Variants in ADAMTS2 observed in about 807,000 individuals in gnomAD.
ADAMTS2 encodes the protein ADAM metallopeptidase with thrombospondin type 1 motif 2.
ADAMTS2 carries 50 observed loss-of-function variants against 123.0 expected under a neutral mutation model. That is an observed-to-expected ratio of 0.41 (90% CI 0.32 to 0.51). The LOEUF is 0.51. Among genes scored for constraint, ADAMTS2 ranks in the 20% least tolerant of loss-of-function variants. ADAMTS2 has a pLI of 0.35. For synonymous variants in ADAMTS2, 678 were observed against 695.4 expected (o/e 0.98, Z 0.39); for missense variants, 1,494 against 1,705.2 (o/e 0.88, Z 2.18).
intron 4 of ADAMTS2, among the ~76,000 whole-genome samples, chr5:179,183,984 G>A (rs889218136): frequency 2.6e-5 from 4 of 152,274 alleles, no homozygotes; most frequent in African/African-American, 7.2e-5. Context: ...TCCTCACTGG[G>A]GAATGACCCA....
rs555077029 is a variant in ADAMTS2 at position 179,318,846 on chromosome 5, T to G, written c.534+24921A>C. On this transcript the variant is annotated intron_variant, in intron 2 of 21. Transcript: ENST00000251582. ...GGCCCCGAAGGGTCTTCCAGGAAGGTCAGACCCCAGCCCAAAAGCAGCAGG... is the reference window on the plus strand; with the variant it reads ...GGCCCCGAAGGGTCTTCCAGGAAGGGCAGACCCCAGCCCAAAAGCAGCAGG... Among the ~76,000 whole-genome samples the G allele has an allele frequency of 8.2e-4, 125 of 152,234 alleles. 1 individual carries two copies. Among genetic ancestry groups the G allele is most frequent in the Non-Finnish European group, 2.9e-5 (2 of 67,990 alleles).
rs757449523 is a variant in ADAMTS2, at chr5:179,135,924, C to T, written c.2070G>A (p.Val690=). ...CSYKDAFSLC[V]RGDCRKVGCD... is the part of the protein sequence containing the mutation. ...GTGTACTCACCCTGCAGTCCCCGCG[C>T]ACACAGAGGCTGAAGGCGTCCTTGT... is the stretch of plus-strand genomic sequence containing the variant. Residue 690 remains valine (V), a synonymous_variant, in exon 13 of 22, where the codon GTG becomes GTA. Coordinates refer to ENST00000251582, the MANE Select transcript of ADAMTS2 (RefSeq NM_014244.5). 7 of 1,613,112 alleles carry T rather than the reference C, an allele frequency of 4.3e-6. No individual in the cohort carries two copies. The highest frequency in any genetic ancestry group is 1.1e-5 in the South Asian group (1 of 91,088).
chr5:179,248,881 T>G (rs1018448246), intron 3 of ADAMTS2, among the ~76,000 whole-genome samples: 3 of 152,026 alleles, frequency 2.0e-5, no homozygotes, highest in African/African-American at 7.2e-5. Flanking sequence ...ACACTGTAAA[T>G]CAACTAGACC....
At chr5:179,177,751 A>G (rs1039334699) in intron 5 of ADAMTS2, among the ~76,000 whole-genome samples, 1 of 152,108 alleles carries the variant, frequency 6.6e-6, no homozygotes, top group African/African-American at 2.4e-5. Flanking sequence ...TACCTGAGGC[A>G]GTTAAGGAAA....
At chr5:179,330,778 G>A (rs918877623) in intron 2 of ADAMTS2, among the ~76,000 whole-genome samples, 3 of 152,178 alleles carry the variant, frequency 2.0e-5, no homozygotes, top group African/African-American at 7.2e-5. Context: ...GACAGCCTGG[G>A]CACCCCAACA....
At chr5:179,226,597 C>T (rs1358313416) in intron 3 of ADAMTS2, among the ~76,000 whole-genome samples, 3 of 152,066 alleles carry the variant, frequency 2.0e-5, no homozygotes, top group African/African-American at 2.4e-5. Flanking sequence ...AGAAGACGCT[C>T]GACCTCACCC....
rs554018928 is a variant in ADAMTS2 at position 179,282,519 on chromosome 5, T to A, written c.535-9455A>T. Among the ~76,000 whole-genome samples, 51 of 152,362 alleles carry A rather than the reference T, an allele frequency of 3.3e-4. 1 individual carries two copies. The highest frequency in any genetic ancestry group is 1.2e-3 in the African/African-American group (50 of 41,592). On this transcript the variant is annotated intron_variant, in intron 2 of 21. Coordinates refer to ENST00000251582, the MANE Select transcript of ADAMTS2 (RefSeq NM_014244.5). ...ATCCTTCTGCCAACACCACACAGTC[T>A]TGATTACTACAGCTTTGTAGTAAGT... is the stretch of plus-strand genomic sequence containing the variant.
rs1756749941 is a variant in ADAMTS2 at position 179,308,929 on chromosome 5, TAGG to T, written c.534+34835_534+34837del. ...CTGCCCATTCATTCAGCCATTCTTC[TAGG>T]AGGACAGGCCAGGCCATGGTGAGGC... On this transcript the variant is annotated intron_variant, in intron 2 of 21. Transcript: ENST00000251582. This position sits in a 1 kb window ranked among gnomAD's most constrained non-coding sequence, Gnocchi z 6.6. Among the ~76,000 whole-genome samples, 1 of 152,170 alleles carries T rather than the reference TAGG, an allele frequency of 6.6e-6. No homozygotes were observed. Among genetic ancestry groups the T allele is most frequent in the Admixed American group, 6.5e-5 (1 of 15,286 alleles).
At chr5:179,176,114 C>T (rs143057789) in intron 5 of ADAMTS2, among the ~76,000 whole-genome samples, 3 of 152,200 alleles carry the variant, frequency 2.0e-5, no homozygotes, top group Non-Finnish European at 2.9e-5. Context: ...CCTAAGAATT[C>T]GCTGTGCAGA....
At chr5:179,299,157 G>A (rs1220930915) in intron 2 of ADAMTS2, among the ~76,000 whole-genome samples, 1 of 151,862 alleles carries the variant, frequency 6.6e-6, no homozygotes, top group African/African-American at 2.4e-5. Context: ...TCACTTCTGA[G>A]TGTGACATAT....
chr5:179,158,962 A>T lies in ADAMTS2; in HGVS notation c.976-83T>A. The T allele has an allele frequency of 6.5e-7, 1 of 1,528,896 alleles. No homozygotes were observed. The highest frequency in any genetic ancestry group is 8.9e-7 in the Non-Finnish European group (1 of 1,126,438). The allele number at this position is 1,528,896 out of a possible 1,614,324, so 94.7% of individuals were successfully genotyped here. A position where few individuals can be genotyped will look rare whatever the true frequency, so the allele number is the denominator to read the frequency against. On this transcript the variant is annotated intron_variant, in intron 5 of 21. Coordinates refer to ENST00000251582, the MANE Select transcript of ADAMTS2 (RefSeq NM_014244.5). This position sits in a 1 kb window ranked among gnomAD's most constrained non-coding sequence, Gnocchi z 5.0. ...GGGCCGAGCAGGCTGTAGTGTTGAC[A>T]GACCCCATCCACTGGGAATCTGTTC...
chr5:179,156,573 T>C (rs1342084897), intron 6 of ADAMTS2, among the ~76,000 whole-genome samples: 1 of 152,136 alleles, frequency 6.6e-6, no homozygotes, highest in Admixed American at 6.5e-5. Context: ...TTAGCCAGGA[T>C]GGTCTCCATC....
Position 179,115,624 on chromosome 5 carries a change from G to C in ADAMTS2, c.3179-1300C>G, listed in dbSNP as rs970739774. On this transcript the variant is annotated intron_variant, in intron 21 of 21. Transcript: ENST00000251582. This position sits in a 1 kb window ranked among gnomAD's most constrained non-coding sequence, Gnocchi z 4.4. ...GAAGGAGGGAGAGGGTGAAAGGAAG[G>C]AGGAACTGAAGGAAGGAAAGAAAGG... Among the ~76,000 whole-genome samples the C allele has an allele frequency of 1.2e-4, 18 of 152,008 alleles. 1 individual carries two copies. Among genetic ancestry groups the C allele is most frequent in the African/African-American group, 3.4e-4 (14 of 41,348 alleles).
At chr5:179,344,512 C>G (rs1382113132) in intron 1 of ADAMTS2, among the ~76,000 whole-genome samples, 1 of 152,220 alleles carries the variant, frequency 6.6e-6, no homozygotes, top group Non-Finnish European at 1.5e-5. Flanking sequence ...TTGCACCTAC[C>G]GTCCTTGGCA....
chr5:179,217,156 C>A (rs1765001762), intron 3 of ADAMTS2, among the ~76,000 whole-genome samples: 1 of 152,162 alleles, frequency 6.6e-6, no homozygotes, highest in African/African-American at 2.4e-5. Flanking sequence ...AGAGGAGAAG[C>A]AAATGTGGTG....
intron 2 of ADAMTS2, among the ~76,000 whole-genome samples, chr5:179,326,293 T>G (rs1380291373): frequency 3.3e-5 from 5 of 150,998 alleles, no homozygotes; most frequent in African/African-American, 9.8e-5. Flanking sequence ...TAGAGGACCC[T>G]TGGCCTCAGC....
At position 179,234,359 on chromosome 5, in the gene ADAMTS2, C is replaced by T. The variant is rs1430566373; in HGVS notation, c.689-26644G>A. ...CTCAGAGAGAAGTGGAGGCTGCACC[C>T]CCACAGGAAGTGGGGCCCAGTCCAC... On this transcript the variant is annotated intron_variant, in intron 3 of 21. Coordinates refer to ENST00000251582, the MANE Select transcript of ADAMTS2 (RefSeq NM_014244.5). The surrounding 1 kb of genome is among the most constrained non-coding windows in gnomAD (Gnocchi z 4.7). Among the ~76,000 whole-genome samples, 4 of 152,266 alleles carry T rather than the reference C, an allele frequency of 2.6e-5. No individual in the cohort carries two copies. Among genetic ancestry groups the T allele is most frequent in the Non-Finnish European group, 4.4e-5 (3 of 68,022 alleles).
intron 3 of ADAMTS2, among the ~76,000 whole-genome samples, chr5:179,221,599 C>T (rs1234221404): frequency 6.6e-6 from 1 of 152,172 alleles, no homozygotes; most frequent in South Asian, 2.1e-4. Flanking sequence ...CCTCTTGATG[C>T]TCCCATGCCC....
intron 3 of ADAMTS2, among the ~76,000 whole-genome samples, chr5:179,218,794 C>T (rs771299345): frequency 3.3e-5 from 5 of 152,182 alleles, no homozygotes; most frequent in Non-Finnish European, 7.3e-5. Context: ...CCTGCTCAGC[C>T]TCAGCCATGC....
Sources: gnomAD v4.1 joint callset for allele counts (sites outside exome capture counted in the v4.1 genomes callset) on GRCh38, gnomAD v4.1.1 for gene constraint, Gnocchi (gnomAD v3.1) non-coding constraint, MANE v1.5 for transcripts, NCBI Gene and HGNC (gene_info 2026-07-23, HGNC 2026-07-21) for gene names.